INVS: variants seen among roughly 807,000 people sequenced by gnomAD.
The protein encoded by INVS is inversin, also known as inversion of embryo turning homolog.
In INVS, 86 loss-of-function variants were observed where a neutral mutation model predicts 108.8. That is an observed-to-expected ratio of 0.79 (90% CI 0.66 to 0.95). The LOEUF (loss-of-function observed/expected upper bound fraction) is 0.95. Ranked by LOEUF, INVS falls within the 40% of genes least tolerant of loss-of-function variation. INVS has a pLI of 0.00. For synonymous variants in INVS, 455 were observed against 473.5 expected, an observed-to-expected ratio of 0.96 and a Z score of 0.51; for missense variants, 1,169 against 1,297.4, an observed-to-expected ratio of 0.90 and a Z score of 1.52.
At chr9:100,157,012 T>G (rs1829012033) in intron 3 of INVS, among the ~76,000 whole-genome samples, 1 of 151,084 alleles carries the variant, frequency 6.6e-6, no homozygotes, top group Admixed American at 6.6e-5. Flanking sequence ...TACAGGTAAA[T>G]TATTCATTGT....
intron 6 of INVS, 56 bp downstream of exon 6, chr9:100,240,296 C>T: frequency 1.5e-6 from 2 of 1,330,580 alleles, no homozygotes; most frequent in South Asian, 1.2e-5. Flanking sequence ...AGGAATATTT[C>T]TGTGCCTTCC....
intron 13 of INVS, among the ~76,000 whole-genome samples, chr9:100,292,035 G>C (rs1310707114): frequency 1.3e-5 from 2 of 152,106 alleles, no homozygotes; most frequent in Non-Finnish European, 2.9e-5. Context: ...TAATTGCTTT[G>C]ATTTTCAATT....
chr9:100,126,997 C>A (rs1237009242), intron 3 of INVS, among the ~76,000 whole-genome samples: 1 of 151,838 alleles, frequency 6.6e-6, no homozygotes, highest in Non-Finnish European at 1.5e-5. Flanking sequence ...AAGTTGAAAT[C>A]CCAGCCTGGG....
At position 100,133,806 on chromosome 9, in the gene INVS, T is replaced by TACAC. The variant is rs1828131771; in HGVS notation, c.273+7261_273+7264dup. 6.0e-5 allele frequency among the ~76,000 whole-genome samples: 4 copies of TACAC among 66,628 alleles called. No individual in the cohort carries two copies. In the South Asian group the frequency reaches 2.1e-3, roughly 35 times the overall value. The allele number at this position is 66,628 out of a possible 152,430, so 43.7% of individuals were successfully genotyped here. ...ACACACACACACACACACACACACA[T>TACAC]ACACACATCCCTCATCTCAATTCAT... On this transcript the variant is annotated intron_variant, in intron 3 of 16. Transcript: ENST00000262457.
At chr9:100,292,208 G>A in intron 13 of INVS, 118 bp from the exon 14 acceptor site, 5 of 932,626 alleles carry the variant, frequency 5.4e-6, no homozygotes, top group South Asian at 1.3e-5. Flanking sequence ...TTCCTAGTCT[G>A]TAACTGCCAC....
chr9:100,298,388 C>T (rs1481643772), intron 16 of INVS: 1 of 912,148 alleles, frequency 1.1e-6, no homozygotes, highest in Non-Finnish European at 1.3e-6. Flanking sequence ...ATGGGAAGAA[C>T]ACCATGAAGA....
chr9:100,262,020 G>A (rs1162545387), intron 10 of INVS, among the ~76,000 whole-genome samples: 3 of 150,032 alleles, frequency 2.0e-5, no homozygotes, highest in Non-Finnish European at 4.4e-5. Context: ...CTGTTAATAT[G>A]GCAAATTACA....
intron 3 of INVS, among the ~76,000 whole-genome samples, chr9:100,166,857 G>A: frequency 6.6e-6 from 1 of 152,072 alleles, no homozygotes; most frequent in East Asian, 1.9e-4. Context: ...TTCTGCTCTT[G>A]CCCCCTGCAG....
chr9:100,264,961 GA>G, intron 11 of INVS, 33 bp downstream of exon 11: 1 of 1,031,458 alleles, frequency 9.7e-7, no homozygotes. Flanking sequence ...TTTTTTTTTT[GA>G]GATGGCTTCT....
intron 3 of INVS, among the ~76,000 whole-genome samples, chr9:100,135,696 C>G (rs185676400): frequency 2.6e-5 from 4 of 151,920 alleles, no homozygotes; most frequent in Non-Finnish European, 5.9e-5. Context: ...AGGAAGTTAT[C>G]GAGTTCAGTT....
chr9:100,129,781 A>G (rs1228278371), intron 3 of INVS: 7 of 644,876 alleles, frequency 1.1e-5, no homozygotes. Context: ...TTCCTTTATG[A>G]CATTTTCCAA....
intron 3 of INVS, among the ~76,000 whole-genome samples, chr9:100,172,715 TAG>T (rs1194603949): frequency 6.6e-6 from 1 of 152,156 alleles, no homozygotes; most frequent in Non-Finnish European, 1.5e-5. Flanking sequence ...AACAAGTAGA[TAG>T]AGAGTCAGAT....
chr9:100,245,384 A>G (rs1353108414), intron 7 of INVS, among the ~76,000 whole-genome samples: 1 of 152,118 alleles, frequency 6.6e-6, no homozygotes. Flanking sequence ...GGTTCAATCA[A>G]TTCCCCTGCC....
chr9:100,158,639 T>C (rs1343573476), intron 3 of INVS, among the ~76,000 whole-genome samples: 1 of 152,270 alleles, frequency 6.6e-6, no homozygotes, highest in South Asian at 2.1e-4. Context: ...AATTATCATC[T>C]AGTCCATGCT....
chr9:100,253,130 CA>C lies in INVS; in HGVS notation c.1461del (p.Glu488ArgfsTer22). ...ACAATGCAGACCCTAACATTCAAGA[CA>C]AAGAGGTAGAAATTCTGTCTTTTCT... ...ENNADPNIQD[K>X]EGRTALHWSC... On this transcript the variant is annotated frameshift_variant, in exon 10 of 17. Coordinates refer to ENST00000262457, the MANE Select transcript of INVS (RefSeq NM_014425.5). LOFTEE classifies it high-confidence loss of function. The C allele has an allele frequency of 1.2e-6, 2 of 1,610,138 alleles. No homozygotes were observed. The highest frequency in any genetic ancestry group is 1.7e-6 in the Non-Finnish European group (2 of 1,176,734).
intron 1 of INVS, chr9:100,101,571 T>C (rs1455996618): frequency 3.9e-5 from 6 of 152,174 alleles, no homozygotes; most frequent in Admixed American, 6.6e-5. Flanking sequence ...AATAAAGACG[T>C]AAGGAGCTGT....
chr9:100,195,359 A>T (rs1051282989), intron 3 of INVS, among the ~76,000 whole-genome samples: 1 of 152,172 alleles, frequency 6.6e-6, no homozygotes, highest in Non-Finnish European at 1.5e-5. Context: ...GTTTAAAAAA[A>T]TATATAGAGA....
At chr9:100,288,117 T>C (rs1414951795) in intron 13 of INVS, among the ~76,000 whole-genome samples, 2 of 152,204 alleles carry the variant, frequency 1.3e-5, no homozygotes, top group African/African-American at 2.4e-5. Flanking sequence ...GGTCACATTT[T>C]ACCAGGGCCC....
At chr9:100,267,336 A>G (rs1832827150) in intron 11 of INVS, among the ~76,000 whole-genome samples, 2 of 152,216 alleles carry the variant, frequency 1.3e-5, no homozygotes, top group Admixed American at 6.5e-5. Flanking sequence ...CAGTGGCAAT[A>G]ACTCAGTCTT....
Sources: allele counts gnomAD v4.1 joint callset (sites outside exome capture counted in the v4.1 genomes callset), GRCh38; gene constraint gnomAD v4.1.1; transcripts MANE v1.5; gene names NCBI Gene and HGNC (gene_info 2026-07-23, HGNC 2026-07-21).